CNOT2: variants seen among roughly 807,000 people sequenced by gnomAD.
The protein encoded by CNOT2 is CCR4-NOT transcription complex subunit 2, also known as CC chemokine receptor 4-negative regulator of transcription 2.
In CNOT2, 7 loss-of-function variants were observed where a neutral mutation model predicts 72.1. The observed-to-expected ratio is 0.10, with a 90% CI of 0.06 to 0.18. The LOEUF (loss-of-function observed/expected upper bound fraction) is 0.18, where lower values mean the gene tolerates loss of function less well. Ranked by LOEUF, CNOT2 falls within the 10% of genes least tolerant of loss-of-function variation. The probability of loss-of-function intolerance (pLI) is 1.00; values close to 1 mark genes in which losing one functional copy is unlikely to be tolerated. For synonymous variants in CNOT2, 196 were observed against 225.6 expected, an observed-to-expected ratio of 0.87 and a Z score of 1.17; for missense variants, 345 against 660.3, an observed-to-expected ratio of 0.52 and a Z score of 5.23.
At chr12:70,257,727 C>G (rs893307776) in intron 1 of CNOT2, among the ~76,000 whole-genome samples, 1 of 151,986 alleles carries the variant, frequency 6.6e-6, no homozygotes, top group Admixed American at 6.6e-5. Context: ...TTAGCTATTA[C>G]GCTAAAAAAA....
intron 11 of CNOT2, among the ~76,000 whole-genome samples, chr12:70,339,894 T>G (rs1337173888): frequency 6.6e-6 from 1 of 152,172 alleles, no homozygotes; most frequent in African/African-American, 2.4e-5. Context: ...GTTATTCTTG[T>G]TTTCCACCCT....
chr12:70,286,869 T>C (rs1435934862), intron 2 of CNOT2, among the ~76,000 whole-genome samples: 1 of 152,144 alleles, frequency 6.6e-6, no homozygotes, highest in Non-Finnish European at 1.5e-5. Context: ...GTTTTATATT[T>C]TTTTCATAAG....
intron 7 of CNOT2, among the ~76,000 whole-genome samples, chr12:70,334,126 G>A (rs1880341667): frequency 1.3e-5 from 2 of 151,798 alleles, no homozygotes. Context: ...ATAATAAATG[G>A]CAAATTTAAA....
At chr12:70,252,299 A>G (rs1250217178) in intron 1 of CNOT2, among the ~76,000 whole-genome samples, 1 of 151,868 alleles carries the variant, frequency 6.6e-6, no homozygotes, top group African/African-American at 2.4e-5. Context: ...CAATCCTCCC[A>G]CCTAAGCCTC....
intron 2 of CNOT2, among the ~76,000 whole-genome samples, chr12:70,306,698 G>A (rs1353925209): frequency 2.0e-5 from 3 of 152,176 alleles, no homozygotes; most frequent in Non-Finnish European, 2.9e-5. Context: ...TTGTTTGCTT[G>A]AATAAAGCTG....
intron 1 of CNOT2, among the ~76,000 whole-genome samples, chr12:70,268,871 T>G (rs954806958): frequency 6.6e-6 from 1 of 152,224 alleles, no homozygotes; most frequent in African/African-American, 2.4e-5. Context: ...GCATTTGGAA[T>G]GTTTATACAT....
intron 1 of CNOT2, among the ~76,000 whole-genome samples, chr12:70,266,298 T>C (rs1478164647): frequency 6.6e-6 from 1 of 152,100 alleles, no homozygotes; most frequent in Non-Finnish European, 1.5e-5. Context: ...TAATTTTGTA[T>C]TTTTAGCAGA....
chr12:70,271,112 T>C (rs1959205544), intron 1 of CNOT2, among the ~76,000 whole-genome samples: 1 of 152,214 alleles, frequency 6.6e-6, no homozygotes, highest in Non-Finnish European at 1.5e-5. Context: ...TTCTGTTTGT[T>C]CTGCCATTGT....
chr12:70,282,242 A>G (rs892321723), intron 2 of CNOT2, among the ~76,000 whole-genome samples: 1 of 152,158 alleles, frequency 6.6e-6, no homozygotes, highest in Non-Finnish European at 1.5e-5. Context: ...TTTGAATGGA[A>G]CTTTTCAGTA....
intron 2 of CNOT2, among the ~76,000 whole-genome samples, chr12:70,298,449 T>A (rs1051125005): frequency 1.3e-5 from 2 of 152,222 alleles, no homozygotes; most frequent in African/African-American, 4.8e-5. Context: ...TCCGCATTTA[T>A]CAGATATATA....
intron 2 of CNOT2, 100 bp downstream of exon 2, chr12:70,278,374 C>T (rs1021334589): frequency 2.3e-5 from 17 of 732,022 alleles, no homozygotes; most frequent in Middle Eastern, 2.8e-4. Context: ...ATTGGTTACA[C>T]CTCAATTTGA....
At chr12:70,317,352 T>C (rs1423369843) in intron 3 of CNOT2, among the ~76,000 whole-genome samples, 1 of 152,058 alleles carries the variant, frequency 6.6e-6, no homozygotes, top group Non-Finnish European at 1.5e-5. Flanking sequence ...TTTTACCTTC[T>C]GTGATCAACT....
chr12:70,308,555 T>TTCTCTCTCTCTCTCTC (rs3049213), intron 2 of CNOT2, among the ~76,000 whole-genome samples: 5 of 134,256 alleles, frequency 3.7e-5, no homozygotes, highest in African/African-American at 1.4e-4. Flanking sequence ...TTGGTATATT[T>TTCTCTCTCTCTCTCTC]TCTCTCTCTC....
intron 1 of CNOT2, among the ~76,000 whole-genome samples, chr12:70,247,393 C>T (rs757877831): frequency 2.0e-5 from 3 of 152,012 alleles, no homozygotes; most frequent in East Asian, 1.9e-4. Flanking sequence ...TGACCTCAGA[C>T]GATCCGCCTG....
chr12:70,278,279 G>A lies in CNOT2; in HGVS notation c.48+5G>A, dbSNP rs1277795097. ...TCTGAGAAAAGAAACTACCAGGTAA[G>A]ACCAGTCTTTCTTCTTTTTTCTCTA... On this transcript the variant is annotated splice_donor_5th_base_variant and intron_variant, in intron 2 of 15. Coordinates refer to ENST00000229195, the MANE Select transcript of CNOT2 (RefSeq NM_014515.7). The A allele has an allele frequency of 5.0e-6, 8 of 1,597,446 alleles. No individual in the cohort carries two copies. Among genetic ancestry groups the A allele is most frequent in the Non-Finnish European group, 1.7e-6 (2 of 1,165,026 alleles).
chr12:70,330,606 T>C (rs1879782169), intron 6 of CNOT2, 137 bp downstream of exon 6: 1 of 504,794 alleles, frequency 2.0e-6, no homozygotes, highest in African/African-American at 2.0e-5. Flanking sequence ...GTCCAAAGAT[T>C]CTGTTACCCA....
chr12:70,262,267 GGTTTTGTTTT>G (rs576955995), intron 1 of CNOT2, among the ~76,000 whole-genome samples: 7 of 151,804 alleles, frequency 4.6e-5, no homozygotes, highest in Admixed American at 6.6e-5. Context: ...TCTTTTTCTA[GGTTTTGTTTT>G]GTTTTGTTTT....
At chr12:70,330,573 AGT>A (rs2136025485) in intron 6 of CNOT2, 104 bp downstream of exon 6, 1 of 647,634 alleles carries the variant, frequency 1.5e-6, no homozygotes, top group African/African-American at 1.9e-5. Context: ...CTCTCTAATA[AGT>A]GTGTTTCATC....
chr12:70,278,170 C>A lies in CNOT2; in HGVS notation c.-57C>A, dbSNP rs1869182314. On this transcript the variant is annotated 5_prime_UTR_variant, in exon 2 of 16. Transcript: ENST00000229195. ...GGGCGGTCCTTCCTGTGACACGACC[C>A]TTGAGTGACAGTTCTATTTGATTGC... 2.3e-6 allele frequency: 3 copies of A among 1,324,840 alleles called. No individual in the cohort carries two copies. Among genetic ancestry groups the A allele is most frequent in the Non-Finnish European group, 3.2e-6 (3 of 936,434 alleles). 82.1% of individuals were successfully genotyped at this position (1,324,840 alleles called of 1,614,324 possible).
Sources: gnomAD v4.1 joint callset for allele counts (sites outside exome capture counted in the v4.1 genomes callset) on GRCh38, gnomAD v4.1.1 for gene constraint, MANE v1.5 for transcripts, NCBI Gene and HGNC (gene_info 2026-07-23, HGNC 2026-07-21) for gene names.